The following HSPA4 variants were observed in gnomAD, a reference collection of about 807,000 sequenced individuals.
HSPA4 encodes the protein heat shock 70 kDa protein 4.
In HSPA4, 25 loss-of-function variants were observed where a neutral mutation model predicts 106.2. The ratio of observed to expected loss-of-function variants is 0.24; its 90% CI spans 0.17 to 0.33. The LOEUF is 0.33. HSPA4 is among the 10% of genes least tolerant of loss of function. The pLI, the probability that HSPA4 is intolerant of heterozygous loss-of-function variation, is 1.00. For missense variants in HSPA4, 841 were observed against 996.0 expected (o/e 0.84, Z 2.10); for synonymous variants, 332 against 333.6 (o/e 1.00, Z 0.05).
At chr5:133,058,892 C>T (rs1039578677) in intron 1 of HSPA4, among the ~76,000 whole-genome samples, 6 of 152,022 alleles carry the variant, frequency 3.9e-5, no homozygotes, top group African/African-American at 1.2e-4. Flanking sequence ...CTTTCGAAGG[C>T]CGAGGTGGGC....
At chr5:133,101,977 A>G in intron 17 of HSPA4, 99 bp downstream of exon 17, 1 of 818,928 alleles carries the variant, frequency 1.2e-6, no homozygotes, top group Non-Finnish European at 1.8e-6. Context: ...CCCAGGCTGG[A>G]GTACAGTGGT....
intron 17 of HSPA4, among the ~76,000 whole-genome samples, chr5:133,102,837 A>G (rs1216628174): frequency 1.3e-5 from 2 of 150,710 alleles, no homozygotes; most frequent in African/African-American, 4.9e-5. Context: ...CTCTGACTCA[A>G]GCAGTTCTCC....
intron 6 of HSPA4, among the ~76,000 whole-genome samples, chr5:133,074,411 T>C (rs1247628070): frequency 6.6e-6 from 1 of 152,054 alleles, no homozygotes; most frequent in East Asian, 1.9e-4. Context: ...CCCTAGTAGC[T>C]GGGATTACGG....
rs914656302 is a variant in HSPA4 at position 133,052,327 on chromosome 5, T to C, written c.77T>C (p.Ile26Thr). The C allele has an allele frequency of 1.9e-6, 3 of 1,582,066 alleles. No individual in the cohort carries two copies. Among genetic ancestry groups the C allele is most frequent in the African/African-American group, 2.7e-5 (2 of 74,090 alleles). Residue 26 changes from isoleucine to threonine, a missense_variant, in exon 1 of 19, where the codon ATC (isoleucine) becomes ACC (threonine). Physicochemically the swap from Ile to Thr is moderately conservative, Grantham distance 89. This residue lies in a region of HSPA4 where 347 missense variants were observed against 408.7 expected (regional missense o/e 0.85). Transcript: ENST00000304858. Reference protein sequence around the residue: ...AVARAGGIETIANEYSDRCTP... With the variant: ...AVARAGGIETTANEYSDRCTP... ...GCCCGCGCCGGCGGCATCGAGACTATCGCTAATGAGTATAGCGACCGCTGC... is the reference window on the plus strand; with the variant it reads ...GCCCGCGCCGGCGGCATCGAGACTACCGCTAATGAGTATAGCGACCGCTGC...
At chr5:133,075,558 T>C (rs1425071323) in intron 6 of HSPA4, among the ~76,000 whole-genome samples, 2 of 152,120 alleles carry the variant, frequency 1.3e-5, no homozygotes, top group African/African-American at 4.8e-5. Flanking sequence ...TAGCTGGGTG[T>C]GGCGGTGTGC....
chr5:133,086,682 C>T, intron 7 of HSPA4, 100 bp from the exon 8 acceptor site: 1 of 793,624 alleles, frequency 1.3e-6, no homozygotes, highest in Non-Finnish European at 2.1e-6. Flanking sequence ...ATTTTGCCAG[C>T]ACTTGTTGTT....
chr5:133,073,306 G>C lies in HSPA4; in HGVS notation c.506G>C (p.Arg169Pro). The change falls in exon 5 of 19, where the codon CGA becomes CCA. Residue 169 changes from arginine to proline, a missense_variant. This residue lies in a region of HSPA4 where 347 missense variants were observed against 408.7 expected (regional missense o/e 0.85). Transcript: ENST00000304858. The stretch of plus-strand genomic sequence containing the variant: ...CAGATTGCTGGTCTTAATTGCTTGC[G>C]ATTAATGAATGAAACCACTGCAGGT... ...ATQIAGLNCL[R>P]LMNETTAVAL... The C allele has an allele frequency of 1.9e-6, 3 of 1,607,050 alleles. No individual in the cohort carries two copies. Among genetic ancestry groups the C allele is most frequent in the Non-Finnish European group, 2.6e-6 (3 of 1,174,064 alleles).
At chr5:133,061,652 C>T (rs1765244855) in intron 1 of HSPA4, among the ~76,000 whole-genome samples, 1 of 152,154 alleles carries the variant, frequency 6.6e-6, no homozygotes, top group Non-Finnish European at 1.5e-5. Flanking sequence ...CTGAGTCTTG[C>T]TCTCTTGCCC....
intron 6 of HSPA4, among the ~76,000 whole-genome samples, 153 bp downstream of exon 6, chr5:133,074,279 T>C (rs1049618944): frequency 1.4e-5 from 2 of 144,580 alleles, no homozygotes; most frequent in Admixed American, 1.4e-4. Flanking sequence ...TTTCTTTTTT[T>C]TCTCTTTTTT....
intron 16 of HSPA4, 97 bp from the exon 17 acceptor site, chr5:133,101,662 C>T: frequency 8.9e-7 from 1 of 1,129,330 alleles, no homozygotes. Context: ...TTATATATAG[C>T]ACACGGAGAT....
At chr5:133,098,192 TTAGAATAA>T (rs758608869) in intron 15 of HSPA4, among the ~76,000 whole-genome samples, 41 of 152,240 alleles carry the variant, frequency 2.7e-4, no homozygotes, top group Non-Finnish European at 5.1e-4. Flanking sequence ...GTTACTTCAC[TTAGAATAA>T]TGGCCTCCAG....
chr5:133,068,040 G>A (rs1765330844), intron 3 of HSPA4, among the ~76,000 whole-genome samples: 1 of 151,862 alleles, frequency 6.6e-6, no homozygotes, highest in Non-Finnish European at 1.5e-5. Context: ...TTACAGGCAC[G>A]TGCCACCATG....
At chr5:133,081,073 A>C (rs1233156321) in intron 7 of HSPA4, among the ~76,000 whole-genome samples, 3 of 151,776 alleles carry the variant, frequency 2.0e-5, no homozygotes, top group African/African-American at 7.3e-5. Flanking sequence ...TTTGAGACAG[A>C]GTCTCAGTAG....
chr5:133,060,561 C>T (rs943738496), intron 1 of HSPA4, among the ~76,000 whole-genome samples: 14 of 152,006 alleles, frequency 9.2e-5, no homozygotes, highest in African/African-American at 2.2e-4. Context: ...CGGGTTTCAC[C>T]GTGTTGTCCA....
At chr5:133,099,827 T>G (rs992080402) in intron 16 of HSPA4, among the ~76,000 whole-genome samples, 175 bp downstream of exon 16, 1 of 152,182 alleles carries the variant, frequency 6.6e-6, no homozygotes, top group Non-Finnish European at 1.5e-5. Context: ...AACCTTGTAA[T>G]AACAAAATGA....
At chr5:133,104,131 G>A (rs1765825050) in intron 18 of HSPA4, 102 bp from the exon 19 acceptor site, 1 of 1,418,864 alleles carries the variant, frequency 7.0e-7, no homozygotes, top group African/African-American at 1.4e-5. Context: ...TTAGCTTCTA[G>A]GTTGAGGATT....
intron 2 of HSPA4, among the ~76,000 whole-genome samples, chr5:133,065,645 C>T (rs1765297513): frequency 6.6e-6 from 1 of 152,210 alleles, no homozygotes; most frequent in Non-Finnish European, 1.5e-5. Context: ...CTCCTTAAGT[C>T]TGTCTTGTTG....
chr5:133,065,880 A>G (rs1765300401), intron 2 of HSPA4, among the ~76,000 whole-genome samples: 1 of 152,214 alleles, frequency 6.6e-6, no homozygotes, highest in African/African-American at 2.4e-5. Context: ...AAGGAGTTGC[A>G]TGTTTGACCT....
chr5:133,091,853 C>T (rs1765651252), intron 12 of HSPA4, among the ~76,000 whole-genome samples: 1 of 151,726 alleles, frequency 6.6e-6, no homozygotes, highest in African/African-American at 2.4e-5. Context: ...AAGTGAGACC[C>T]TCATCTCTAC....
Sources: gnomAD v4.1 joint callset for allele counts (sites outside exome capture counted in the v4.1 genomes callset) on GRCh38, gnomAD v4.1.1 for gene constraint, gnomAD v4.1.1 regional missense constraint, MANE v1.5 for transcripts, NCBI Gene and HGNC (gene_info 2026-07-23, HGNC 2026-07-21) for gene names.